PIGF: variants seen among roughly 807,000 people sequenced by gnomAD.
PIGF encodes the protein GPI ethanolamine phosphate transferase, stabilizing subunit.
In PIGF, 23 loss-of-function variants were observed where a neutral mutation model predicts 26.0. The observed-to-expected ratio is 0.88, with a 90% confidence interval of 0.64 to 1.25. PIGF has a LOEUF of 1.25. PIGF is among the 50% of genes most tolerant of loss of function. PIGF has a pLI of 0.00. For synonymous variants in PIGF, 93 were observed against 92.6 expected, an observed-to-expected ratio of 1.00 and a Z score of -0.03; for missense variants, 278 against 249.9, an observed-to-expected ratio of 1.11 and a Z score of -0.76.
chr2:46,595,875 A>G (rs1669867070), intron 4 of PIGF, among the ~76,000 whole-genome samples: 1 of 152,180 alleles, frequency 6.6e-6, no homozygotes, highest in South Asian at 2.1e-4. Flanking sequence ...CTAAGGAACC[A>G]TGAAGGTTTT....
intron 4 of PIGF, among the ~76,000 whole-genome samples, chr2:46,611,081 G>A (rs1490103283): frequency 6.6e-6 from 1 of 152,062 alleles, no homozygotes; most frequent in African/African-American, 2.4e-5. Context: ...ATTCTTTACT[G>A]ATGCTCTGTC....
intron 4 of PIGF, among the ~76,000 whole-genome samples, chr2:46,597,541 T>A (rs1358113105): frequency 6.6e-6 from 1 of 152,090 alleles, no homozygotes; most frequent in Non-Finnish European, 1.5e-5. Flanking sequence ...GCCTGCCGAG[T>A]AGCTGGGATT....
At position 46,580,937 on chromosome 2, in the gene PIGF, T is replaced by C. The variant is rs761558127; in HGVS notation, c.*541A>G. On this transcript the variant is annotated 3_prime_UTR_variant, in exon 6 of 6. Transcript: ENST00000281382. ...TTTTTCTCCCTCCCAGATAGGAGCA[T>C]GCTGCTATGTGGAATGTTCAGCTTT... 2.6e-6 allele frequency: 4 copies of C among 1,512,328 alleles called. No individual in the cohort carries two copies. In the South Asian group the frequency reaches 5.4e-5, roughly 20 times the overall value. The allele number at this position is 1,512,328 out of a possible 1,614,324, so 93.7% of individuals were successfully genotyped here.
chr2:46,598,267 G>A (rs1278297317), intron 4 of PIGF, among the ~76,000 whole-genome samples: 5 of 150,194 alleles, frequency 3.3e-5, no homozygotes, highest in African/African-American at 4.9e-5. Context: ...TTTATATACT[G>A]CCTCTATTTC....
chr2:46,589,121 C>G lies in PIGF; in HGVS notation c.546+3354G>C, dbSNP rs1669659218. ...TGACTTTAAAGTATTAAAACAACAA[C>G]AAAGATGACCAACAGTATAATGGGT... On this transcript the variant is annotated intron_variant, in intron 5 of 5. Coordinates refer to ENST00000281382, the MANE Select transcript of PIGF (RefSeq NM_002643.4). This position sits in a 1 kb window ranked among gnomAD's most constrained non-coding sequence, Gnocchi z 4.7. Among the ~76,000 whole-genome samples, 1 of 152,000 alleles carries G rather than the reference C, an allele frequency of 6.6e-6. No homozygotes were observed. Among genetic ancestry groups the G allele is most frequent in the South Asian group, 2.1e-4 (1 of 4,828 alleles).
At chr2:46,591,811 G>A in intron 5 of PIGF, 4 of 1,292,972 alleles carry the variant, frequency 3.1e-6, no homozygotes, top group Non-Finnish European at 4.1e-6. Context: ...ACCTCACAGT[G>A]CTTTACCTAG....
At chr2:46,609,768 A>C (rs1670347468) in intron 4 of PIGF, among the ~76,000 whole-genome samples, 1 of 152,164 alleles carries the variant, frequency 6.6e-6, no homozygotes, top group African/African-American at 2.4e-5. Flanking sequence ...AAGATGTACA[A>C]CATTTATTAA....
intron 4 of PIGF, among the ~76,000 whole-genome samples, chr2:46,595,139 C>T (rs999968953): frequency 2.6e-5 from 4 of 152,072 alleles, no homozygotes; most frequent in Non-Finnish European, 5.9e-5. Context: ...CCATACAATT[C>T]ACTAATTTCA....
At position 46,588,290 on chromosome 2, in the gene PIGF, A is replaced by T; in HGVS notation, c.546+4185T>A. The T allele has an allele frequency of 7.5e-7, 1 of 1,331,830 alleles. No individual in the cohort carries two copies. Among genetic ancestry groups the T allele is most frequent in the Non-Finnish European group, 1.0e-6 (1 of 996,482 alleles). 82.5% of individuals were successfully genotyped at this position (1,331,830 alleles called of 1,614,324 possible). On this transcript the variant is annotated intron_variant, in intron 5 of 5. Coordinates refer to ENST00000281382, the MANE Select transcript of PIGF (RefSeq NM_002643.4). This position sits in a 1 kb window ranked among gnomAD's most constrained non-coding sequence, Gnocchi z 4.1. Reference sequence around the variant, plus strand: ...AACAGTCCACTCTACCAACTGAAAGACTGCTGGGCAGAAAAAATAAAACAA... The same window carrying T: ...AACAGTCCACTCTACCAACTGAAAGTCTGCTGGGCAGAAAAAATAAAACAA...
At chr2:46,590,800 C>T (rs570808757) in intron 5 of PIGF, among the ~76,000 whole-genome samples, 6 of 152,224 alleles carry the variant, frequency 3.9e-5, no homozygotes, top group Non-Finnish European at 7.4e-5. Context: ...GAATCTGTGA[C>T]GATACACACA....
chr2:46,617,027 C>A lies in PIGF; in HGVS notation c.-79G>T. On this transcript the variant is annotated 5_prime_UTR_variant, in exon 1 of 6. Transcript: ENST00000281382. Reference sequence around the variant, plus strand: ...AACTACTGCCTCCTACCATCAGGTACGACGGGCGGCCCAGGCCCACGCGCA... The same window carrying A: ...AACTACTGCCTCCTACCATCAGGTAAGACGGGCGGCCCAGGCCCACGCGCA... 1.7e-6 allele frequency: 1 copy of A among 586,764 alleles called. No homozygotes were observed. Among genetic ancestry groups the A allele is most frequent in the Non-Finnish European group, 3.0e-6 (1 of 329,844 alleles). The allele number at this position is 586,764 out of a possible 1,614,324, so 36.3% of individuals were successfully genotyped here. A position where few individuals can be genotyped will look rare whatever the true frequency, so the allele number is the denominator to read the frequency against.
chr2:46,599,042 G>T (rs1669976414), intron 4 of PIGF, among the ~76,000 whole-genome samples: 1 of 152,128 alleles, frequency 6.6e-6, no homozygotes, highest in African/African-American at 2.4e-5. Context: ...TATAAGCCTG[G>T]CTCCCAGTAC....
chr2:46,586,869 C>T (rs991055772), intron 5 of PIGF, among the ~76,000 whole-genome samples: 2 of 152,232 alleles, frequency 1.3e-5, no homozygotes, highest in Non-Finnish European at 1.5e-5. Context: ...TAAAAATCTA[C>T]ACTCATCCAT....
chr2:46,593,009 A>C (rs1295232097), intron 4 of PIGF, among the ~76,000 whole-genome samples: 1 of 152,196 alleles, frequency 6.6e-6, no homozygotes, highest in African/African-American at 2.4e-5. Context: ...GTACATATGT[A>C]TATTTCTTCA....
intron 4 of PIGF, among the ~76,000 whole-genome samples, chr2:46,607,237 T>G (rs1033738714): frequency 2.0e-5 from 3 of 152,212 alleles, no homozygotes; most frequent in African/African-American, 7.2e-5. Flanking sequence ...TAATTTTCCC[T>G]CAGATTTCCA....
chr2:46,596,943 A>C (rs755912952), intron 4 of PIGF, among the ~76,000 whole-genome samples: 1 of 152,160 alleles, frequency 6.6e-6, no homozygotes, highest in Non-Finnish European at 1.5e-5. Flanking sequence ...ATAATCTTTA[A>C]TTGTCCATGG....
Position 46,616,987 on chromosome 2 carries a change from G to A in PIGF, c.-39C>T, listed in dbSNP as rs926411451. 3.7e-6 allele frequency: 2 copies of A among 543,726 alleles called. No homozygotes were observed. The highest frequency in any genetic ancestry group is 3.9e-5 in the African/African-American group (2 of 51,320). 33.7% of individuals were successfully genotyped at this position (543,726 alleles called of 1,614,324 possible). The stretch of plus-strand genomic sequence containing the variant: ...GGGCTTACCTAACTCTCCCTCCCGC[G>A]GAAGGGAAGCGGGGAACTACTGCCT... On this transcript the variant is annotated 5_prime_UTR_variant, in exon 1 of 6. Transcript: ENST00000281382.
chr2:46,615,855 A>C (rs936146702), intron 1 of PIGF: 6 of 152,312 alleles, frequency 3.9e-5, no homozygotes, highest in African/African-American at 1.4e-4. Flanking sequence ...CCAAAAGTAG[A>C]GCACGAACGG....
chr2:46,593,134 CTTTTTTT>C (rs71397007), intron 4 of PIGF, among the ~76,000 whole-genome samples: 1 of 132,304 alleles, frequency 7.6e-6, no homozygotes, highest in Non-Finnish European at 1.6e-5. Context: ...ACCAGTCTTT[CTTTTTTT>C]TTTTTTTTTT....
Sources: gnomAD v4.1 joint callset for allele counts (sites outside exome capture counted in the v4.1 genomes callset) on GRCh38, gnomAD v4.1.1 for gene constraint, Gnocchi (gnomAD v3.1) non-coding constraint, MANE v1.5 for transcripts, NCBI Gene and HGNC (gene_info 2026-07-23, HGNC 2026-07-21) for gene names.